Variants in PTPRD observed in about 807,000 individuals in gnomAD.
PTPRD encodes the protein protein tyrosine phosphatase receptor type D, also known as receptor-type tyrosine-protein phosphatase delta.
A neutral mutation model predicts 214.5 loss-of-function variants in PTPRD; 34 were observed. That is an observed-to-expected ratio of 0.16 (90% CI 0.12 to 0.21). PTPRD has a LOEUF of 0.21. Among genes scored for constraint, PTPRD ranks in the 10% least tolerant of loss-of-function variants. The pLI is 1.00. For missense variants in PTPRD, 2,545 were observed against 2,398.7 expected, an observed-to-expected ratio of 1.06 and a Z score of -1.27; for synonymous variants, 1,128 against 845.7, an observed-to-expected ratio of 1.33 and a Z score of -5.79.
intron 2 of PTPRD, among the ~76,000 whole-genome samples, chr9:10,533,358 A>G (rs548082438): frequency 6.6e-6 from 1 of 152,312 alleles, no homozygotes; most frequent in African/African-American, 2.4e-5. Context: ...TTATGTATTT[A>G]GCAATTAATT....
At chr9:9,592,862 T>C (rs1410345856) in intron 7 of PTPRD, among the ~76,000 whole-genome samples, 1 of 151,976 alleles carries the variant, frequency 6.6e-6, no homozygotes, top group African/African-American at 2.4e-5. Flanking sequence ...CTGGCCGACA[T>C]GGTGAAACCT....
intron 5 of PTPRD, among the ~76,000 whole-genome samples, chr9:9,885,775 C>T (rs927508590): frequency 1.3e-5 from 2 of 151,932 alleles, no homozygotes; most frequent in Admixed American, 6.6e-5. Context: ...CCTTTTTAGA[C>T]TTCTGATCTC....
chr9:9,453,187 G>A (rs1227135246), intron 8 of PTPRD, among the ~76,000 whole-genome samples: 1 of 151,346 alleles, frequency 6.6e-6, no homozygotes, highest in African/African-American at 2.4e-5. Flanking sequence ...ATAATGTTAT[G>A]CCGGACATAT....
At position 9,779,078 on chromosome 9, in the gene PTPRD, C is replaced by CAAAAAAAAAAAAAA. The variant is rs869120926; in HGVS notation, c.-367-12241_-367-12228dup. ...GCCATGTGATCTTTCATAAGACTGA[C>CAAAAAAAAAAAAAA]AAAAAAAAAAAAAAAAAAAAAAAAA... On this transcript the variant is annotated intron_variant, in intron 5 of 45. Coordinates refer to ENST00000381196, the MANE Select transcript of PTPRD (RefSeq NM_002839.4). Among the ~76,000 whole-genome samples the CAAAAAAAAAAAAAA allele has an allele frequency of 6.9e-3, 315 of 45,454 alleles. 46 individuals carry two copies. The highest frequency in any genetic ancestry group is 8.7e-3 in the Non-Finnish European group (215 of 24,696). The allele number at this position is 45,454 out of a possible 152,430, so 29.8% of individuals were successfully genotyped here. A position where few individuals can be genotyped will look rare whatever the true frequency, so the allele number is the denominator to read the frequency against.
intron 3 of PTPRD, among the ~76,000 whole-genome samples, chr9:10,339,939 T>C (rs1217235627): frequency 6.6e-6 from 1 of 151,790 alleles, no homozygotes; most frequent in Admixed American, 6.6e-5. Context: ...AACACCTTAT[T>C]CTTCATAACT....
At chr9:8,793,215 A>G (rs911457155) in intron 11 of PTPRD, among the ~76,000 whole-genome samples, 2 of 152,222 alleles carry the variant, frequency 1.3e-5, no homozygotes, top group Non-Finnish European at 2.9e-5. Flanking sequence ...CAATTAGGTT[A>G]TAAGCAGCTT....
At chr9:8,895,177 G>C (rs1267095698) in intron 11 of PTPRD, among the ~76,000 whole-genome samples, 1 of 152,130 alleles carries the variant, frequency 6.6e-6, no homozygotes, top group Non-Finnish European at 1.5e-5. Context: ...TTTTAAACAT[G>C]GGGATTTGAG....
chr9:10,423,904 CT>C (rs1163978042), intron 2 of PTPRD, among the ~76,000 whole-genome samples: 6 of 151,826 alleles, frequency 4.0e-5, no homozygotes, highest in Non-Finnish European at 7.4e-5. Flanking sequence ...TATTTTTTCC[CT>C]TTTCTTTTAA....
intron 3 of PTPRD, among the ~76,000 whole-genome samples, chr9:10,336,451 T>C (rs2096845229): frequency 6.6e-6 from 1 of 151,606 alleles, no homozygotes; most frequent in Non-Finnish European, 1.5e-5. Context: ...ATTTTGCCTA[T>C]TTTGCATTTG....
At chr9:9,486,623 T>A (rs977951229) in intron 8 of PTPRD, among the ~76,000 whole-genome samples, 20 of 152,124 alleles carry the variant, frequency 1.3e-4, no homozygotes, top group African/African-American at 4.8e-4. Flanking sequence ...CCTCTCATAG[T>A]CTTCAAACCA....
intron 2 of PTPRD, among the ~76,000 whole-genome samples, chr9:10,391,392 T>C (rs2098062226): frequency 6.6e-6 from 1 of 151,668 alleles, no homozygotes; most frequent in Non-Finnish European, 1.5e-5. Context: ...TCCGTTACAT[T>C]CTTTATGCTC....
chr9:8,439,598 G>A (rs550750791), intron 34 of PTPRD, among the ~76,000 whole-genome samples: 37 of 152,196 alleles, frequency 2.4e-4, no homozygotes, highest in Non-Finnish European at 4.7e-4. Flanking sequence ...AGAAAAGACC[G>A]AATGTCGGCA....
At chr9:9,434,645 A>G (rs911641023) in intron 8 of PTPRD, among the ~76,000 whole-genome samples, 3 of 152,072 alleles carry the variant, frequency 2.0e-5, no homozygotes, top group African/African-American at 7.2e-5. Context: ...TAGATAAACT[A>G]AAACAGCATG....
Position 10,089,358 on chromosome 9 carries a change from C to T in PTPRD, c.-544-55568G>A, listed in dbSNP as rs60156652. 4.3e-3 allele frequency among the ~76,000 whole-genome samples: 645 copies of T among 151,368 alleles called. 7 individuals carry two copies. Among genetic ancestry groups the T allele is most frequent in the African/African-American group, 0.014 (562 of 41,326 alleles). ...AATACAAGTTAGTAATGCAAAAGAT[C>T]TTGTATATGGAATAGACTTATTTTG... On this transcript the variant is annotated intron_variant, in intron 3 of 45. Transcript: ENST00000381196.
intron 11 of PTPRD, among the ~76,000 whole-genome samples, chr9:8,752,754 G>A (rs1033471139): frequency 6.6e-6 from 1 of 152,034 alleles, no homozygotes; most frequent in African/African-American, 2.4e-5. Context: ...CCTGACAGCT[G>A]GTTGCAGACT....
chr9:9,583,899 G>A (rs1192606567), intron 7 of PTPRD, among the ~76,000 whole-genome samples: 2 of 151,980 alleles, frequency 1.3e-5, no homozygotes, highest in Admixed American at 1.3e-4. Context: ...TACTCGCCAT[G>A]GTTGGCTACT....
intron 8 of PTPRD, among the ~76,000 whole-genome samples, chr9:9,428,662 T>A (rs567594272): frequency 6.6e-6 from 1 of 152,266 alleles, no homozygotes; most frequent in Admixed American, 6.5e-5. Context: ...AGTAAAGCAC[T>A]CCTCAGAAAA....
At chr9:8,323,968 T>C (rs188598864) in intron 44 of PTPRD, among the ~76,000 whole-genome samples, 47 of 152,224 alleles carry the variant, frequency 3.1e-4, no homozygotes, top group Admixed American at 1.4e-3. Context: ...TATTTTCTTT[T>C]AAGAAATTGC....
intron 37 of PTPRD, among the ~76,000 whole-genome samples, chr9:8,385,131 G>T (rs1002959401): frequency 6.6e-6 from 1 of 152,192 alleles, no homozygotes; most frequent in South Asian, 2.1e-4. Flanking sequence ...TCTAATACCT[G>T]CTAAGGAATC....
Sources: gnomAD v4.1 joint callset for allele counts (sites outside exome capture counted in the v4.1 genomes callset) on GRCh38, gnomAD v4.1.1 for gene constraint, MANE v1.5 for transcripts, NCBI Gene and HGNC (gene_info 2026-07-23, HGNC 2026-07-21) for gene names.